Variants in MLLT3 observed in about 807,000 individuals in gnomAD.
MLLT3 encodes the protein MLLT3 super elongation complex subunit.
A neutral mutation model predicts 53.2 loss-of-function variants in MLLT3; 4 were observed. That is an observed-to-expected ratio of 0.08 (90% confidence interval 0.04 to 0.17). The LOEUF is 0.17. Ranked by LOEUF, MLLT3 falls within the 10% of genes least tolerant of loss-of-function variation. MLLT3 has a pLI of 1.00. For synonymous variants in MLLT3, 283 were observed against 230.6 expected (o/e 1.23, Z -2.06); for missense variants, 569 against 684.0 (o/e 0.83, Z 1.87).
intron 2 of MLLT3, among the ~76,000 whole-genome samples, chr9:20,534,668 C>T (rs373263983): frequency 5.1e-4 from 78 of 152,246 alleles, no homozygotes; most frequent in African/African-American, 1.6e-3. Flanking sequence ...GGGCGGATCA[C>T]GAGGTCAGGA....
intron 2 of MLLT3, among the ~76,000 whole-genome samples, chr9:20,538,725 T>C (rs565346281): frequency 6.6e-6 from 1 of 152,296 alleles, no homozygotes; most frequent in African/African-American, 2.4e-5. Context: ...ACATTCCTAT[T>C]TAGTCCCTTA....
intron 5 of MLLT3, among the ~76,000 whole-genome samples, chr9:20,402,351 C>A (rs1327287641): frequency 6.6e-6 from 1 of 152,060 alleles, no homozygotes; most frequent in Non-Finnish European, 1.5e-5. Flanking sequence ...TATGAAGGTG[C>A]CATAGTCTAA....
chr9:20,387,334 G>A (rs988060492), intron 5 of MLLT3, among the ~76,000 whole-genome samples: 1 of 152,186 alleles, frequency 6.6e-6, no homozygotes, highest in Non-Finnish European at 1.5e-5. Flanking sequence ...TGCTCCATGG[G>A]TACTTAGTAC....
chr9:20,509,055 G>A (rs1311964182), intron 2 of MLLT3, among the ~76,000 whole-genome samples: 1 of 152,208 alleles, frequency 6.6e-6, no homozygotes, highest in East Asian at 1.9e-4. Flanking sequence ...TTCTTTTCAT[G>A]CAAGAGAGGT....
rs891793182 is a variant in MLLT3, at chr9:20,572,348, G to C, written c.193+48306C>G. On this transcript the variant is annotated intron_variant, in intron 2 of 10. Transcript: ENST00000380338. Reference sequence around the variant, plus strand: ...GGTATATTTCAAAATTGCTGAGAGAGTAGATATTAAATGTTCTTGCCATCT... The same window carrying C: ...GGTATATTTCAAAATTGCTGAGAGACTAGATATTAAATGTTCTTGCCATCT... 7.9e-5 allele frequency among the ~76,000 whole-genome samples: 12 copies of C among 152,252 alleles called. No homozygotes were observed. The South Asian group carries it at 8.3e-4, about 11-fold the overall frequency.
At chr9:20,450,412 T>C (rs531638776) in intron 3 of MLLT3, among the ~76,000 whole-genome samples, 1 of 152,222 alleles carries the variant, frequency 6.6e-6, no homozygotes, top group Non-Finnish European at 1.5e-5. Context: ...AAGCCTTTAA[T>C]GGTTCATCAT....
intron 5 of MLLT3, among the ~76,000 whole-genome samples, chr9:20,368,302 G>A (rs1253125091): frequency 6.6e-6 from 1 of 152,192 alleles, no homozygotes; most frequent in African/African-American, 2.4e-5. Flanking sequence ...AGGGTTTGCA[G>A]AGTACTCCTC....
rs1821297896 is a variant in MLLT3, at chr9:20,360,656, T to C, written c.1431+86A>G. On this transcript the variant is annotated intron_variant, in intron 8 of 10. Transcript: ENST00000380338. The stretch of plus-strand genomic sequence containing the variant: ...GCATCAAGAGGAAGTTTGTTTAAAA[T>C]TCAGGGATGAAAGTTTTGCATGCTT... The C allele has an allele frequency of 4.4e-6, 5 of 1,138,144 alleles. No homozygotes were observed. In the Middle Eastern group the frequency reaches 7.9e-4, roughly 179 times the overall value. The allele number at this position is 1,138,144 out of a possible 1,614,324, so 70.5% of individuals were successfully genotyped here. A position where few individuals can be genotyped will look rare whatever the true frequency, so the allele number is the denominator to read the frequency against.
rs114119420 is a variant in MLLT3 at position 20,530,929 on chromosome 9, C to T, written c.194-74143G>A. Reference sequence around the variant, plus strand: ...TACAGGTGTGAGCCATCGTGCCTGGCGCTGCTTGTACATTTTGAGCAAATT... The same window carrying T: ...TACAGGTGTGAGCCATCGTGCCTGGTGCTGCTTGTACATTTTGAGCAAATT... On this transcript the variant is annotated intron_variant, in intron 2 of 10. Transcript: ENST00000380338. Among the ~76,000 whole-genome samples, 4 of 152,026 alleles carry T rather than the reference C, an allele frequency of 2.6e-5. No homozygotes were observed. The East Asian group carries it at 7.8e-4, about 30-fold the overall frequency.
intron 5 of MLLT3, among the ~76,000 whole-genome samples, chr9:20,379,844 C>G (rs1480264632): frequency 6.6e-6 from 1 of 152,000 alleles, no homozygotes; most frequent in African/African-American, 2.4e-5. Flanking sequence ...TATCTTTAAA[C>G]AGGCACCATG....
chr9:20,479,020 CA>C (rs1824596543), intron 2 of MLLT3, among the ~76,000 whole-genome samples: 1 of 152,056 alleles, frequency 6.6e-6, no homozygotes, highest in African/African-American at 2.4e-5. Flanking sequence ...TGAAGGCTCT[CA>C]ATTAAAGAGA....
intron 2 of MLLT3, among the ~76,000 whole-genome samples, chr9:20,589,510 A>C (rs1424912636): frequency 6.6e-6 from 1 of 150,534 alleles, no homozygotes; most frequent in Non-Finnish European, 1.5e-5. Flanking sequence ...GGTGCAGCAC[A>C]CCAGCATGGC....
intron 10 of MLLT3, among the ~76,000 whole-genome samples, chr9:20,351,908 G>A (rs990165609): frequency 6.6e-6 from 1 of 152,186 alleles, no homozygotes; most frequent in African/African-American, 2.4e-5. Flanking sequence ...GCATTACAAG[G>A]CAAAAGGCCA....
At chr9:20,445,247 T>A (rs1443841688) in intron 4 of MLLT3, among the ~76,000 whole-genome samples, 1 of 152,152 alleles carries the variant, frequency 6.6e-6, no homozygotes, top group Non-Finnish European at 1.5e-5. Flanking sequence ...AATGTTTGAA[T>A]CTAAATGTGC....
At position 20,621,925 on chromosome 9, in the gene MLLT3, G is replaced by A; in HGVS notation, c.12+320C>T. The stretch of plus-strand genomic sequence containing the variant: ...ACCGTGTGTGTGTGTGTGTGTGAGT[G>A]CGCGCGTGTGAGCGAGAGGGAGTGT... On this transcript the variant is annotated intron_variant, in intron 1 of 10. Transcript: ENST00000380338. This position sits in a 1 kb window ranked among gnomAD's most constrained non-coding sequence, Gnocchi z 7.0. The A allele has an allele frequency of 7.2e-7, 1 of 1,385,928 alleles. No individual in the cohort carries two copies. The highest frequency in any genetic ancestry group is 9.3e-7 in the Non-Finnish European group (1 of 1,075,816). The allele number at this position is 1,385,928 out of a possible 1,614,324, so 85.9% of individuals were successfully genotyped here.
chr9:20,467,976 C>G (rs1824277464), intron 2 of MLLT3, among the ~76,000 whole-genome samples: 1 of 152,234 alleles, frequency 6.6e-6, no homozygotes, highest in East Asian at 1.9e-4. Context: ...AACGTGGAGA[C>G]AGAGAAGTTT....
intron 2 of MLLT3, among the ~76,000 whole-genome samples, chr9:20,549,007 G>A (rs921261363): frequency 6.6e-6 from 1 of 152,014 alleles, no homozygotes; most frequent in African/African-American, 2.4e-5. Flanking sequence ...TAGAGAGGGG[G>A]TTTCACCATG....
intron 2 of MLLT3, among the ~76,000 whole-genome samples, chr9:20,619,000 A>C (rs564038595): frequency 6.6e-6 from 1 of 152,292 alleles, no homozygotes; most frequent in East Asian, 1.9e-4. Context: ...TAGTAGTAAT[A>C]ATGTGTACCA....
intron 2 of MLLT3, among the ~76,000 whole-genome samples, chr9:20,582,698 A>G (rs1819827690): frequency 6.6e-6 from 1 of 152,224 alleles, no homozygotes; most frequent in Admixed American, 6.5e-5. Flanking sequence ...AGCAAGAGAA[A>G]AATGAGGAAG....
Sources: gnomAD v4.1 joint callset for allele counts (sites outside exome capture counted in the v4.1 genomes callset) on GRCh38, gnomAD v4.1.1 for gene constraint, Gnocchi (gnomAD v3.1) non-coding constraint, MANE v1.5 for transcripts, NCBI Gene and HGNC (gene_info 2026-07-23, HGNC 2026-07-21) for gene names.